The following GCNT4 variants were observed in gnomAD, a reference collection of about 807,000 sequenced individuals.
The protein encoded by GCNT4 is glucosaminyl (N-acetyl) transferase 4.
Under a neutral mutation model 31.3 loss-of-function variants are expected in GCNT4, and 17 were observed. The ratio of observed to expected loss-of-function variants is 0.54; its 90% confidence interval spans 0.37 to 0.81. The LOEUF is 0.81. Among genes scored for constraint, GCNT4 ranks in the 40% least tolerant of loss-of-function variants. The probability of loss-of-function intolerance (pLI) is 0.00; values close to 1 mark genes in which losing one functional copy is unlikely to be tolerated. For missense variants in GCNT4, 503 were observed against 525.5 expected (o/e 0.96, Z 0.42); for synonymous variants, 158 against 190.6 (o/e 0.83, Z 1.41).
upstream of GCNT4, among the ~76,000 whole-genome samples, chr5:75,054,055 AGG>A (rs112872913): frequency 0.11 from 16,933 of 152,078 alleles, 1,963 homozygotes; most frequent in African/African-American, 0.29. Context: ...GGGTGAGACG[AGG>A]AGTGTCCCAC....
intron 2 of GCNT4, 21 bp downstream of exon 2, chr5:75,052,148 G>C (rs1223241144): frequency 6.7e-6 from 1 of 150,330 alleles, no homozygotes; most frequent in African/African-American, 2.5e-5. Flanking sequence ...AGATCAAAAA[G>C]GGCGACTTCT....
rs1742991411 is a variant in GCNT4 at position 75,028,311 on chromosome 5, G to A, written c.*365C>T. 5.2e-6 allele frequency: 1 copy of A among 193,300 alleles called. No individual in the cohort carries two copies. The highest frequency in any genetic ancestry group is 2.4e-5 in the African/African-American group (1 of 42,228). 12.0% of individuals were successfully genotyped at this position (193,300 alleles called of 1,614,324 possible). ...ACAAACTTCAAAAGCTTCTTCAGTA[G>A]AATCCTGACTGTTATGTGGAGAACT... On this transcript the variant is annotated 3_prime_UTR_variant, in exon 4 of 4. Transcript: ENST00000652361.
chr5:75,036,344 C>T (rs1197582007), intron 3 of GCNT4, among the ~76,000 whole-genome samples: 1 of 151,684 alleles, frequency 6.6e-6, no homozygotes, highest in Non-Finnish European at 1.5e-5. Flanking sequence ...ACTGTTATCC[C>T]TCTATTATAA....
intron 3 of GCNT4, among the ~76,000 whole-genome samples, chr5:75,040,981 T>A (rs1743303266): frequency 6.6e-6 from 1 of 152,178 alleles, no homozygotes; most frequent in Admixed American, 6.5e-5. Flanking sequence ...TTCAAAAGAT[T>A]AATAACCAAA....
chr5:75,032,872 G>GGTGGGTGGGTGTGT (rs55942109), intron 3 of GCNT4, among the ~76,000 whole-genome samples: 184 of 130,758 alleles, frequency 1.4e-3, no homozygotes, highest in Non-Finnish European at 2.5e-3. Flanking sequence ...CCCAAATAGG[G>GGTGGGTGGGTGTGT]GTGTGTGTGT....
chr5:75,041,395 C>T (rs1403369184), intron 3 of GCNT4, among the ~76,000 whole-genome samples: 1 of 152,234 alleles, frequency 6.6e-6, no homozygotes, highest in African/African-American at 2.4e-5. Context: ...ACAGCTTTCT[C>T]TCTAGGCCTG....
upstream of GCNT4, among the ~76,000 whole-genome samples, chr5:75,053,316 C>A (rs1011550808): frequency 1.9e-4 from 29 of 151,974 alleles, no homozygotes; most frequent in Non-Finnish European, 3.4e-4. Flanking sequence ...GGGTTCAGCC[C>A]GGTTCCCCGC....
At chr5:75,039,413 T>C (rs1457703819) in intron 3 of GCNT4, among the ~76,000 whole-genome samples, 1 of 152,224 alleles carries the variant, frequency 6.6e-6, no homozygotes, top group Non-Finnish European at 1.5e-5. Context: ...TCTTACCTTA[T>C]ACTCCATTCA....
At chr5:75,021,902 T>C (rs1454150132), downstream of GCNT4, among the ~76,000 whole-genome samples, 1 of 152,208 alleles carries the variant, frequency 6.6e-6, no homozygotes, top group Non-Finnish European at 1.5e-5. Context: ...TCATCCTTTC[T>C]ATCCCCTCAT....
intron 3 of GCNT4, among the ~76,000 whole-genome samples, chr5:75,039,283 G>C (rs1266630192): frequency 6.6e-6 from 1 of 152,014 alleles, no homozygotes; most frequent in Non-Finnish European, 1.5e-5. Flanking sequence ...AGTCGAGACG[G>C]GGGTTTCACT....
chr5:75,045,377 T>C (rs537387846), intron 3 of GCNT4, among the ~76,000 whole-genome samples: 4 of 152,336 alleles, frequency 2.6e-5, no homozygotes, highest in Admixed American at 2.0e-4. Context: ...ATAGGAATCA[T>C]ACAATATTTG....
At chr5:75,050,439 C>A (rs1743543251) in intron 2 of GCNT4, among the ~76,000 whole-genome samples, 1 of 152,070 alleles carries the variant, frequency 6.6e-6, no homozygotes. Context: ...GCCCTCCGTC[C>A]CACCTCTCAC....
chr5:75,037,328 T>G (rs12656840), intron 3 of GCNT4, among the ~76,000 whole-genome samples: 11,903 of 152,220 alleles, frequency 0.078, 637 homozygotes, highest in South Asian at 0.23. Context: ...CCAGGAGTCA[T>G]GCAGAGGAGT....
Position 75,028,466 on chromosome 5 carries a change from A to G in GCNT4, c.*210T>C. 1.1e-5 allele frequency: 6 copies of G among 542,466 alleles called. No individual in the cohort carries two copies. Among genetic ancestry groups the G allele is most frequent in the Non-Finnish European group, 1.9e-5 (6 of 313,010 alleles). The allele number at this position is 542,466 out of a possible 1,614,324, so 33.6% of individuals were successfully genotyped here. A position where few individuals can be genotyped will look rare whatever the true frequency, so the allele number is the denominator to read the frequency against. On this transcript the variant is annotated 3_prime_UTR_variant, in exon 4 of 4. Coordinates refer to ENST00000652361, the MANE Select transcript of GCNT4 (RefSeq NM_001366737.1). ...AAGATCTCTGATTTGGCTCAGTGAG[A>G]TTACAAGCAAAAACAAATATTAAAA...
intron 3 of GCNT4, among the ~76,000 whole-genome samples, chr5:75,033,178 G>A (rs372000124): frequency 2.6e-5 from 4 of 152,160 alleles, no homozygotes; most frequent in African/African-American, 9.7e-5. Context: ...AAATAAAAAA[G>A]ACAAAGGCCA....
At position 75,028,341 on chromosome 5, in the gene GCNT4, G is replaced by C. The variant is rs1742991932; in HGVS notation, c.*335C>G. ...CTGACTGTTATGTGGAGAACTTAAAGATACCGAGGTTGCTATGATGAGGAT... is the reference window on the plus strand; with the variant it reads ...CTGACTGTTATGTGGAGAACTTAAACATACCGAGGTTGCTATGATGAGGAT... On this transcript the variant is annotated 3_prime_UTR_variant, in exon 4 of 4. Coordinates refer to ENST00000652361, the MANE Select transcript of GCNT4 (RefSeq NM_001366737.1). 1 of 231,646 alleles carries C rather than the reference G, an allele frequency of 4.3e-6. No homozygotes were observed. The highest frequency in any genetic ancestry group is 2.3e-5 in the African/African-American group (1 of 43,316). 14.3% of individuals were successfully genotyped at this position (231,646 alleles called of 1,614,324 possible). A position where few individuals can be genotyped will look rare whatever the true frequency, so the allele number is the denominator to read the frequency against.
intron 3 of GCNT4, among the ~76,000 whole-genome samples, chr5:75,043,609 T>G (rs1194905161): frequency 1.3e-5 from 2 of 152,160 alleles, no homozygotes; most frequent in African/African-American, 4.8e-5. Flanking sequence ...GCACCCACCT[T>G]GAGACCATGA....
intron 3 of GCNT4, among the ~76,000 whole-genome samples, chr5:75,035,459 GC>G (rs2149960660): frequency 6.6e-6 from 1 of 152,332 alleles, no homozygotes; most frequent in Admixed American, 6.5e-5. Flanking sequence ...GAAAGGAGCT[GC>G]GCTTCAGGAT....
At chr5:75,022,215 C>T (rs111868268), downstream of GCNT4, among the ~76,000 whole-genome samples, 1,905 of 152,254 alleles carry the variant, frequency 0.013, 41 homozygotes, top group African/African-American at 0.044. Context: ...AAAATAGTTA[C>T]AAGTATGGCA....
Sources: allele counts gnomAD v4.1 joint callset (sites outside exome capture counted in the v4.1 genomes callset), GRCh38; gene constraint gnomAD v4.1.1; transcripts MANE v1.5; gene names NCBI Gene and HGNC (gene_info 2026-07-23, HGNC 2026-07-21).